Variants in GALNT18 observed in about 807,000 individuals in gnomAD.
The protein encoded by GALNT18 is GalNAc-transferase 18.
A neutral mutation model predicts 69.5 loss-of-function variants in GALNT18; 44 were observed. The observed-to-expected ratio is 0.63, with a 90% CI of 0.50 to 0.81. The LOEUF (loss-of-function observed/expected upper bound fraction) is 0.81, where lower values mean the gene tolerates loss of function less well. Ranked by LOEUF, GALNT18 falls within the 40% of genes least tolerant of loss-of-function variation. GALNT18 has a pLI of 0.00. For missense variants in GALNT18, 715 were observed against 810.0 expected (o/e 0.88, Z 1.42); for synonymous variants, 364 against 318.2 (o/e 1.14, Z -1.53).
chr11:11,386,885 C>T (rs1479829945), intron 3 of GALNT18, among the ~76,000 whole-genome samples: 1 of 152,168 alleles, frequency 6.6e-6, no homozygotes, highest in African/African-American at 2.4e-5. Context: ...GCATAAGAAT[C>T]AGCTTGTTGA....
chr11:11,393,618 C>T (rs1001961739), intron 3 of GALNT18, among the ~76,000 whole-genome samples: 5 of 152,354 alleles, frequency 3.3e-5, no homozygotes, highest in African/African-American at 1.2e-4. Flanking sequence ...CCCTGAGATG[C>T]TATCAGAATG....
rs1282290459 is a variant in GALNT18 at position 11,402,325 on chromosome 11, C to T, written c.596-23061G>A. Among the ~76,000 whole-genome samples the T allele has an allele frequency of 6.6e-6, 1 of 152,196 alleles. No homozygotes were observed. The highest frequency in any genetic ancestry group is 2.4e-5 in the African/African-American group (1 of 41,452). ...ATGTAAGCAACTCATCCAATATTCTCAGAAAAAATAACTGTTGTCATTGTG... is the reference window on the plus strand; with the variant it reads ...ATGTAAGCAACTCATCCAATATTCTTAGAAAAAATAACTGTTGTCATTGTG... On this transcript the variant is annotated intron_variant, in intron 3 of 10. Transcript: ENST00000227756. The surrounding 1 kb of genome is among the most constrained non-coding windows in gnomAD (Gnocchi z 4.0).
At chr11:11,334,497 C>G (rs978584709) in intron 7 of GALNT18, among the ~76,000 whole-genome samples, 11 of 151,258 alleles carry the variant, frequency 7.3e-5, no homozygotes, top group Admixed American at 7.2e-4. Flanking sequence ...GAGCCGAGAT[C>G]GCACCATTGC....
Position 11,379,115 on chromosome 11 carries a change from G to A in GALNT18, c.745C>T (p.Leu249Phe), listed in dbSNP as rs763406751. The A allele has an allele frequency of 1.2e-6, 2 of 1,609,776 alleles. No individual in the cohort carries two copies. The highest frequency in any genetic ancestry group is 1.7e-5 in the Admixed American group (1 of 59,962). ...TTGAACTCCACGTGGGCATCAAAGA[G>A]TGCCACCACAGGGGCAGTGGCCGCC... ...WRAATAPVVA[L>F]FDAHVEFNVG... Residue 249 changes from leucine to phenylalanine, a missense_variant, in exon 4 of 11, where the codon CTC becomes TTC. Leu to Phe is a conservative substitution (Grantham distance 22, BLOSUM62 0). Transcript: ENST00000227756.
rs1860042028 is a variant in GALNT18, at chr11:11,616,134, C to T, written c.235+5225G>A. Among the ~76,000 whole-genome samples the T allele has an allele frequency of 6.6e-6, 1 of 152,016 alleles. No individual in the cohort carries two copies. The highest frequency in any genetic ancestry group is 6.5e-5 in the Admixed American group (1 of 15,274). On this transcript the variant is annotated intron_variant, in intron 1 of 10. Transcript: ENST00000227756. The surrounding 1 kb of genome is among the most constrained non-coding windows in gnomAD (Gnocchi z 4.4). ...TATAGGTATAAGCCACCACGCCTGG[C>T]CAAACACTGATAGTCTTAGAGAACA...
At chr11:11,305,358 C>T (rs1849561281) in intron 9 of GALNT18, among the ~76,000 whole-genome samples, 1 of 152,194 alleles carries the variant, frequency 6.6e-6, no homozygotes, top group African/African-American at 2.4e-5. Flanking sequence ...TCATACATTA[C>T]TGGAGCATAA....
rs541656296 is a variant in GALNT18 at position 11,461,941 on chromosome 11, T to G, written c.236-13005A>C. Among the ~76,000 whole-genome samples, 40 of 152,258 alleles carry G rather than the reference T, an allele frequency of 2.6e-4. No individual in the cohort carries two copies. Among genetic ancestry groups the G allele is most frequent in the Non-Finnish European group, 4.7e-4 (32 of 68,046 alleles). On this transcript the variant is annotated intron_variant, in intron 1 of 10. Transcript: ENST00000227756. This position sits in a 1 kb window ranked among gnomAD's most constrained non-coding sequence, Gnocchi z 4.1. ...TCATCTGTAATATTACTCTATCATG[T>G]GCTCCCCTGTCTCAAACAGCCTCTC...
chr11:11,382,946 C>T lies in GALNT18; in HGVS notation c.596-3682G>A, dbSNP rs1349170346. Among the ~76,000 whole-genome samples, 1 of 152,064 alleles carries T rather than the reference C, an allele frequency of 6.6e-6. No individual in the cohort carries two copies. The highest frequency in any genetic ancestry group is 1.5e-5 in the Non-Finnish European group (1 of 68,018). On this transcript the variant is annotated intron_variant, in intron 3 of 10. Transcript: ENST00000227756. This position sits in a 1 kb window ranked among gnomAD's most constrained non-coding sequence, Gnocchi z 4.3. The stretch of plus-strand genomic sequence containing the variant: ...AGATCTAGAGTCAATGTGCAGCTGT[C>T]GATAGCCCATGTTGACAGAGAAATA...
In GALNT18 at chr11:11,396,301, C is replaced by A. The variant is rs4910335; in HGVS notation, c.596-17037G>T. On this transcript the variant is annotated intron_variant, in intron 3 of 10. Coordinates refer to ENST00000227756, the MANE Select transcript of GALNT18 (RefSeq NM_198516.3). This position sits in a 1 kb window ranked among gnomAD's most constrained non-coding sequence, Gnocchi z 5.2. ...CGATTCTGGCCTGGGATCCACAAGA[C>A]ATGGATCAAGAAGGGCAACATTTCG... Among the ~76,000 whole-genome samples, 1 of 152,024 alleles carries A rather than the reference C, an allele frequency of 6.6e-6. No homozygotes were observed. Among genetic ancestry groups the A allele is most frequent in the Admixed American group, 6.5e-5 (1 of 15,280 alleles).
Position 11,614,389 on chromosome 11 carries a change from GGA to G in GALNT18, c.235+6968_235+6969del. Among the ~76,000 whole-genome samples, 1 of 151,390 alleles carries G rather than the reference GGA, an allele frequency of 6.6e-6. No homozygotes were observed. Among genetic ancestry groups the G allele is most frequent in the Admixed American group, 6.6e-5 (1 of 15,208 alleles). On this transcript the variant is annotated intron_variant, in intron 1 of 10. Transcript: ENST00000227756. The surrounding 1 kb of genome is among the most constrained non-coding windows in gnomAD (Gnocchi z 5.6). ...AGGAGGAGGAGGAGGAGGAGGAGGA[GGA>G]GGAGGGAGGAGGAGCAGCAAGGCTC...
intron 10 of GALNT18, among the ~76,000 whole-genome samples, chr11:11,279,394 A>G (rs922588943): frequency 6.6e-6 from 1 of 152,234 alleles, no homozygotes; most frequent in Admixed American, 6.5e-5. Context: ...AGTACCTACT[A>G]TAGTTAACAT....
At chr11:11,458,949 T>C (rs1436337082) in intron 1 of GALNT18, among the ~76,000 whole-genome samples, 1 of 152,208 alleles carries the variant, frequency 6.6e-6, no homozygotes, top group East Asian at 1.9e-4. Flanking sequence ...CCCTGGGCCC[T>C]GCTTGTCTTC....
At chr11:11,398,742 G>A (rs186631297) in intron 3 of GALNT18, among the ~76,000 whole-genome samples, 1 of 152,316 alleles carries the variant, frequency 6.6e-6, no homozygotes, top group Admixed American at 6.5e-5. Flanking sequence ...GGACGCATGG[G>A]ATTTTAACCC....
intron 10 of GALNT18, among the ~76,000 whole-genome samples, chr11:11,279,824 A>AT (rs1384580010): frequency 5.9e-5 from 9 of 152,062 alleles, no homozygotes; most frequent in Non-Finnish European, 1.3e-4. Flanking sequence ...AAACCTAGGG[A>AT]TTTGCTTTGT....
chr11:11,438,174 T>C (rs1855453836), intron 2 of GALNT18, among the ~76,000 whole-genome samples: 1 of 152,234 alleles, frequency 6.6e-6, no homozygotes, highest in East Asian at 1.9e-4. Context: ...GATTATCCTC[T>C]GGCCTTACTC....
intron 9 of GALNT18, among the ~76,000 whole-genome samples, chr11:11,322,895 G>A (rs1849861401): frequency 1.3e-5 from 2 of 152,302 alleles, no homozygotes; most frequent in Non-Finnish European, 2.9e-5. Context: ...GCAGACAGCT[G>A]CTGTATCACT....
At chr11:11,385,113 G>A (rs1024232567) in intron 3 of GALNT18, among the ~76,000 whole-genome samples, 1 of 152,094 alleles carries the variant, frequency 6.6e-6, no homozygotes, top group East Asian at 1.9e-4. Flanking sequence ...CACATGGTGA[G>A]CAGGGAGGCA....
chr11:11,577,647 C>T (rs1170622026), intron 1 of GALNT18, among the ~76,000 whole-genome samples: 4 of 152,212 alleles, frequency 2.6e-5, no homozygotes, highest in African/African-American at 9.6e-5. Flanking sequence ...CTAGGCTCAA[C>T]ACCCCAAATC....
chr11:11,428,318 T>G (rs180828872), intron 3 of GALNT18, among the ~76,000 whole-genome samples: 20 of 152,336 alleles, frequency 1.3e-4, no homozygotes, highest in African/African-American at 4.3e-4. Context: ...CTTCCCCTTT[T>G]GAGGGTTCAG....
Sources: allele counts gnomAD v4.1 joint callset (sites outside exome capture counted in the v4.1 genomes callset), GRCh38; gene constraint gnomAD v4.1.1; non-coding constraint Gnocchi (gnomAD v3.1); transcripts MANE v1.5; gene names NCBI Gene and HGNC (gene_info 2026-07-23, HGNC 2026-07-21).